The following TLE5 variants were observed in gnomAD, a reference collection of about 807,000 sequenced individuals.
The protein encoded by TLE5 is TLE family member 5.
In TLE5, 7 loss-of-function variants were observed where a neutral mutation model predicts 25.8. The ratio of observed to expected loss-of-function variants is 0.27; its 90% confidence interval spans 0.15 to 0.51. The LOEUF is 0.51. TLE5 is among the 20% of genes least tolerant of loss of function. TLE5 has a pLI of 0.97. For synonymous variants in TLE5, 132 were observed against 110.5 expected (o/e 1.20, Z -1.22); for missense variants, 149 against 250.7 (o/e 0.59, Z 2.74).
rs574757901 is a variant in TLE5 at position 3,053,685 on chromosome 19, C to A, written c.*134G>T. ...CTGCAAGCTGGGCTGGGGCCCCCGC[C>A]GGCGGCCACCATAAATACTATGGGA... On this transcript the variant is annotated 3_prime_UTR_variant, in exon 7 of 7. Transcript: ENST00000327141. The A allele has an allele frequency of 6.6e-6, 7 of 1,058,326 alleles. No homozygotes were observed. Among genetic ancestry groups the A allele is most frequent in the Middle Eastern group, 6.2e-4 (2 of 3,208 alleles). The allele number at this position is 1,058,326 out of a possible 1,614,324, so 65.6% of individuals were successfully genotyped here. A position where few individuals can be genotyped will look rare whatever the true frequency, so the allele number is the denominator to read the frequency against.
At chr19:3,054,510 T>G (rs1283343563) in intron 5 of TLE5, 1 of 488,654 alleles carries the variant, frequency 2.0e-6, no homozygotes. Flanking sequence ...ACCTATCCTA[T>G]GTGCACAGCC....
rs562792450 is a variant in TLE5, at chr19:3,058,665, C to A, written c.126-923G>T. On this transcript the variant is annotated intron_variant, in intron 2 of 6. Transcript: ENST00000327141. The stretch of plus-strand genomic sequence containing the variant: ...CACCAGAGCTTCCTACAGGCCCTCC[C>A]GGGAAGGATGAGCTGTGGGGCGTTT... Among the ~76,000 whole-genome samples the A allele has an allele frequency of 7.2e-5, 11 of 152,294 alleles. No individual in the cohort carries two copies. The East Asian group carries it at 1.7e-3, about 24-fold the overall frequency.
chr19:3,056,017 A>T, intron 4 of TLE5: 1 of 496,826 alleles, frequency 2.0e-6, no homozygotes, highest in Non-Finnish European at 3.6e-6. Context: ...CCTGGCAGGT[A>T]GTAAGCGCTT....
upstream of TLE5, chr19:3,062,717 C>T (rs2090283076): frequency 6.6e-7 from 1 of 1,524,504 alleles, no homozygotes; most frequent in Admixed American, 2.1e-5. Flanking sequence ...CCGGCCGGGC[C>T]TCGGTTTCCC....
upstream of TLE5, chr19:3,062,916 C>T (rs1452482793): frequency 3.8e-6 from 4 of 1,065,396 alleles, no homozygotes; most frequent in African/African-American, 3.1e-5. Context: ...GGAAGCCATT[C>T]TTGTGACACA....
chr19:3,057,071 A>C (rs187216891), intron 3 of TLE5, among the ~76,000 whole-genome samples: 2 of 151,752 alleles, frequency 1.3e-5, no homozygotes, highest in African/African-American at 2.4e-5. Context: ...TGCCTCCCCC[A>C]CAGTCTGGGA....
At chr19:3,058,406 C>T (rs2090238350) in intron 2 of TLE5, among the ~76,000 whole-genome samples, 1 of 152,084 alleles carries the variant, frequency 6.6e-6, no homozygotes, top group Admixed American at 6.6e-5. Flanking sequence ...AAGCTCTCAA[C>T]CACAGGGGAA....
At chr19:3,061,886 T>TGGGG (rs376264879) in intron 1 of TLE5, among the ~76,000 whole-genome samples, 1 of 60,446 alleles carries the variant, frequency 1.7e-5, no homozygotes, top group African/African-American at 6.4e-5. Context: ...CCCGGCGGGT[T>TGGGG]GGGGGGGGGG....
At chr19:3,054,940 A>T (rs1459631881) in intron 5 of TLE5, 1 of 152,266 alleles carries the variant, frequency 6.6e-6, no homozygotes, top group Non-Finnish European at 1.5e-5. Flanking sequence ...GAAGTTACAA[A>T]CTTTTGACAG....
Position 3,053,746 on chromosome 19 carries a change from T to G in TLE5, c.*73A>C. ...TCCCGAGCTCCGCTGTGTCTTGTGCTAAACATTCCTTTCTCTCCGTGCCTC... is the reference window on the plus strand; with the variant it reads ...TCCCGAGCTCCGCTGTGTCTTGTGCGAAACATTCCTTTCTCTCCGTGCCTC... On this transcript the variant is annotated 3_prime_UTR_variant, in exon 7 of 7. Coordinates refer to ENST00000327141, the MANE Select transcript of TLE5 (RefSeq NM_001130.6). 1 of 1,509,100 alleles carries G rather than the reference T, an allele frequency of 6.6e-7. No homozygotes were observed. The highest frequency in any genetic ancestry group is 9.0e-7 in the Non-Finnish European group (1 of 1,107,652). The allele number at this position is 1,509,100 out of a possible 1,614,324, so 93.5% of individuals were successfully genotyped here.
chr19:3,062,813 G>A (rs1376538030), upstream of TLE5: 1 of 1,550,418 alleles, frequency 6.4e-7, no homozygotes. Context: ...CCACGGACGT[G>A]CTCTGTGACC....
Position 3,062,280 on chromosome 19 carries a change from C to A in TLE5, c.-80G>T. On this transcript the variant is annotated 5_prime_UTR_variant, in exon 1 of 7. Transcript: ENST00000327141. ...CTGCTGGGGGCGCCGGGCGGCCGCG[C>A]CTTTGTCCCGGCGCCGATCGGCAGC... is the stretch of plus-strand genomic sequence containing the variant. 1 of 1,008,420 alleles carries A rather than the reference C, an allele frequency of 9.9e-7. No homozygotes were observed. The highest frequency in any genetic ancestry group is 1.7e-5 in the African/African-American group (1 of 57,272). 62.5% of individuals were successfully genotyped at this position (1,008,420 alleles called of 1,614,324 possible).
intron 2 of TLE5, among the ~76,000 whole-genome samples, chr19:3,059,217 A>C (rs2090244323): frequency 1.3e-5 from 2 of 152,176 alleles, no homozygotes; most frequent in African/African-American, 4.8e-5. Flanking sequence ...TTAAAAACAA[A>C]AACAAAAACA....
intron 1 of TLE5, 112 bp downstream of exon 1, chr19:3,062,062 G>A (rs2090275686): frequency 5.5e-6 from 2 of 362,438 alleles, no homozygotes; most frequent in African/African-American, 2.4e-5. Flanking sequence ...GGGGGGCGCC[G>A]GGCCGGAGGC....
intron 3 of TLE5, 110 bp downstream of exon 3, chr19:3,057,569 T>C: frequency 9.3e-7 from 1 of 1,072,010 alleles, no homozygotes; most frequent in Non-Finnish European, 1.4e-6. Flanking sequence ...ATCCTCGCGC[T>C]TCCCAGGGGA....
rs1031418685 is a variant in TLE5, at chr19:3,053,180, TGGGAA to T, written c.*634_*638del. On this transcript the variant is annotated 3_prime_UTR_variant, in exon 7 of 7. Coordinates refer to ENST00000327141, the MANE Select transcript of TLE5 (RefSeq NM_001130.6). ...CAACTTTAGTACCCTCATCTTTATT[TGGGAA>T]GGGGAGGGGGAATCCTGGGTCGCCC... The T allele has an allele frequency of 6.6e-6, 1 of 152,124 alleles. No individual in the cohort carries two copies. Among genetic ancestry groups the T allele is most frequent in the African/African-American group, 2.4e-5 (1 of 41,376 alleles). 9.4% of individuals were successfully genotyped at this position (152,124 alleles called of 1,614,324 possible).
intron 2 of TLE5, among the ~76,000 whole-genome samples, chr19:3,058,111 C>T (rs184236192): frequency 2.6e-5 from 4 of 151,800 alleles, no homozygotes; most frequent in African/African-American, 4.8e-5. Context: ...TGTGATGCTG[C>T]GGGGAGGGGA....
chr19:3,054,351 C>T, intron 5 of TLE5, 157 bp from the exon 6 acceptor site: 1 of 649,880 alleles, frequency 1.5e-6, no homozygotes, highest in Non-Finnish European at 2.7e-6. Context: ...AGCACCCTCC[C>T]TCTCTCCAAC....
At chr19:3,060,787 AAGAG>A (rs1433566784) in intron 2 of TLE5, among the ~76,000 whole-genome samples, 1 of 151,882 alleles carries the variant, frequency 6.6e-6, no homozygotes, top group Admixed American at 6.6e-5. Context: ...AAACTGGGCA[AAGAG>A]AGAGATGACC....
Sources: allele counts gnomAD v4.1 joint callset (sites outside exome capture counted in the v4.1 genomes callset), GRCh38; gene constraint gnomAD v4.1.1; transcripts MANE v1.5; gene names NCBI Gene and HGNC (gene_info 2026-07-23, HGNC 2026-07-21).